The following CDKL4 variants were observed in gnomAD, a reference collection of about 807,000 sequenced individuals.
The protein encoded by CDKL4 is cyclin-dependent kinase-like 4.
A neutral mutation model predicts 42.0 loss-of-function variants in CDKL4; 44 were observed. The ratio of observed to expected loss-of-function variants is 1.05; its 90% CI spans 0.82 to 1.35. The LOEUF is 1.35. Ranked by LOEUF, CDKL4 falls within the 40% of genes most tolerant of loss-of-function variation. The pLI is 0.00. For missense variants in CDKL4, 393 were observed against 369.9 expected (o/e 1.06, Z -0.51); for synonymous variants, 120 against 121.6 (o/e 0.99, Z 0.09).
At chr2:39,227,331 T>C (rs1678810338) in intron 2 of CDKL4, among the ~76,000 whole-genome samples, 1 of 152,046 alleles carries the variant, frequency 6.6e-6, no homozygotes, top group African/African-American at 2.4e-5. Flanking sequence ...ACAGGCCCAG[T>C]AGAAAATTTT....
the CDKL4 span, among the ~76,000 whole-genome samples, chr2:39,170,585 T>C: frequency 6.6e-6 from 1 of 151,754 alleles, no homozygotes; most frequent in Non-Finnish European, 1.5e-5. Context: ...GCCTCCCGAG[T>C]AGCTGGGATT....
Position 39,185,413 on chromosome 2 carries a change from TAC to T in CDKL4, c.736-768_736-767del, listed in dbSNP as rs1183855891. 1.6e-4 allele frequency among the ~76,000 whole-genome samples: 3 copies of T among 18,974 alleles called. 1 individual carries two copies. Among genetic ancestry groups the T allele is most frequent in the East Asian group, 2.9e-3 (2 of 690 alleles). The allele number at this position is 18,974 out of a possible 152,430, so 12.4% of individuals were successfully genotyped here. On this transcript the variant is annotated intron_variant, in intron 7 of 9. Coordinates refer to ENST00000451199, the Ensembl canonical transcript of CDKL4. ...ATGTATATATACATATGTGTATATA[TAC>T]ATATATATATACATATGTATATATA...
chr2:39,226,477 A>ATATATTATATATATTAT (rs1288955376), intron 2 of CDKL4, among the ~76,000 whole-genome samples: 1 of 25,220 alleles, frequency 4.0e-5, no homozygotes, highest in South Asian at 2.0e-3. Context: ...ATATATATAT[A>ATATATTATATATATTAT]ATATATATTA....
intron 1 of CDKL4, among the ~76,000 whole-genome samples, chr2:39,233,077 A>AGAAAG (rs1553394706): frequency 0.019 from 2,595 of 137,530 alleles, 58 homozygotes; most frequent in East Asian, 0.11. Flanking sequence ...AGAAAGAAAG[A>AGAAAG]AAAAGAAAAG....
rs1412352272 is a variant in CDKL4 at position 39,237,354 on chromosome 2, TCATTCATGATGAATA to T, written c.-57+6502_-57+6516del. Among the ~76,000 whole-genome samples the T allele has an allele frequency of 3.9e-5, 6 of 152,278 alleles. No individual in the cohort carries two copies. In the East Asian group the frequency reaches 1.2e-3, roughly 29 times the overall value. ...AAAGGAATCTGACAAAAGCCAACAC[TCATTCATGATGAATA>T]CAAGGGGACTTCCTCAAGGGCATCT... On this transcript the variant is annotated intron_variant, in intron 1 of 9. Transcript: ENST00000451199.
rs148297526 is a variant in CDKL4, at chr2:39,235,731, G to T, written c.-56-6143C>A. On this transcript the variant is annotated intron_variant, in intron 1 of 9. Coordinates refer to ENST00000451199, the Ensembl canonical transcript of CDKL4. ...TCATGCCACTGCACTCCAGCTTGTAGACAGAGTGAGACCTTGTATTGAAAC... is the reference window on the plus strand; with the variant it reads ...TCATGCCACTGCACTCCAGCTTGTATACAGAGTGAGACCTTGTATTGAAAC... Among the ~76,000 whole-genome samples the T allele has an allele frequency of 4.8e-3, 734 of 152,232 alleles. 13 individuals carry two copies. The highest frequency in any genetic ancestry group is 0.017 in the African/African-American group (693 of 41,528).
At chr2:39,235,685 T>C (rs1679331312) in intron 1 of CDKL4, among the ~76,000 whole-genome samples, 1 of 152,176 alleles carries the variant, frequency 6.6e-6, no homozygotes, top group Non-Finnish European at 1.5e-5. Flanking sequence ...AGTTCAAGGT[T>C]ATAGTACTGT....
At chr2:39,205,779 A>AAT (rs1677138961) in intron 4 of CDKL4, among the ~76,000 whole-genome samples, 4 of 145,464 alleles carry the variant, frequency 2.7e-5, no homozygotes, top group Non-Finnish European at 6.2e-5. Context: ...AAAAAAAAAA[A>AAT]AGAAAGAAAG....
At chr2:39,208,736 G>A (rs968760731) in intron 4 of CDKL4, among the ~76,000 whole-genome samples, 1 of 141,766 alleles carries the variant, frequency 7.1e-6, no homozygotes, top group African/African-American at 2.6e-5. Flanking sequence ...TCACAGGCCA[G>A]CCTAAAGAGA....
chr2:39,223,550 G>A (rs1678501579), intron 3 of CDKL4, among the ~76,000 whole-genome samples: 1 of 123,862 alleles, frequency 8.1e-6, no homozygotes, highest in Non-Finnish European at 1.6e-5. Flanking sequence ...GGATAAGCAT[G>A]TTTTCTTAGA....
At chr2:39,188,650 A>T (rs567731989) in intron 6 of CDKL4, among the ~76,000 whole-genome samples, 1 of 151,128 alleles carries the variant, frequency 6.6e-6, no homozygotes, top group South Asian at 2.1e-4. Flanking sequence ...AATCTCATAA[A>T]TGAGATTTTA....
chr2:39,194,432 C>T (rs1162756425), intron 5 of CDKL4, among the ~76,000 whole-genome samples: 1 of 152,166 alleles, frequency 6.6e-6, no homozygotes, highest in Non-Finnish European at 1.5e-5. Flanking sequence ...TGAGATAATG[C>T]CACTGCACTC....
intron 3 of CDKL4, among the ~76,000 whole-genome samples, chr2:39,219,673 G>T (rs902957661): frequency 2.6e-5 from 4 of 152,088 alleles, no homozygotes; most frequent in Admixed American, 2.6e-4. Context: ...TGCCTGCCTC[G>T]GCCTCCCAGA....
chr2:39,192,367 G>A (rs1676238426), intron 5 of CDKL4, among the ~76,000 whole-genome samples: 1 of 151,978 alleles, frequency 6.6e-6, no homozygotes, highest in Admixed American at 6.6e-5. Flanking sequence ...ATAGTTCTGA[G>A]TACCACTTTT....
chr2:39,243,175 T>G (rs1273057596), intron 1 of CDKL4, among the ~76,000 whole-genome samples: 2 of 53,994 alleles, frequency 3.7e-5, no homozygotes, highest in Non-Finnish European at 2.0e-4. Flanking sequence ...AAAAGAGATT[T>G]TGAAGATCAG....
chr2:39,197,456 A>G (rs1676584192), intron 5 of CDKL4, among the ~76,000 whole-genome samples: 1 of 152,238 alleles, frequency 6.6e-6, no homozygotes, highest in Non-Finnish European at 1.5e-5. Context: ...AGATCTAGAC[A>G]TCCAAATACA....
chr2:39,189,473 T>C (rs1478361898), intron 6 of CDKL4, among the ~76,000 whole-genome samples: 1 of 152,240 alleles, frequency 6.6e-6, no homozygotes, highest in Non-Finnish European at 1.5e-5. Flanking sequence ...AAAAAGATGA[T>C]GCGTATGAAA....
chr2:39,184,021 G>A (rs1675586432), intron 8 of CDKL4, among the ~76,000 whole-genome samples: 1 of 152,168 alleles, frequency 6.6e-6, no homozygotes, highest in South Asian at 2.1e-4. Flanking sequence ...CACATGCCAA[G>A]GTCCCACTCA....
chr2:39,207,057 C>G (rs1196648988), intron 4 of CDKL4, among the ~76,000 whole-genome samples: 3 of 152,050 alleles, frequency 2.0e-5, no homozygotes, highest in Non-Finnish European at 4.4e-5. Context: ...TTTTTTAGGT[C>G]TCTTAAAAGT....
Sources: gnomAD v4.1 joint callset for allele counts (sites outside exome capture counted in the v4.1 genomes callset) on GRCh38, gnomAD v4.1.1 for gene constraint, MANE v1.5 for transcripts, NCBI Gene and HGNC (gene_info 2026-07-23, HGNC 2026-07-21) for gene names.